Variants in MACROD2 observed in about 807,000 individuals in gnomAD.
MACROD2 encodes ADP-ribose glycohydrolase MACROD2.
MACROD2 carries 36 observed loss-of-function variants against 70.4 expected under a neutral mutation model. That is an observed-to-expected ratio of 0.51 (90% CI 0.39 to 0.68). The LOEUF is 0.68. Among genes scored for constraint, MACROD2 ranks in the 30% least tolerant of loss-of-function variants. The pLI is 0.00. For synonymous variants in MACROD2, 172 were observed against 178.8 expected, an observed-to-expected ratio of 0.96 and a Z score of 0.30; for missense variants, 496 against 538.4, an observed-to-expected ratio of 0.92 and a Z score of 0.78.
chr20:14,491,935 T>C (rs1384078707), intron 3 of MACROD2, among the ~76,000 whole-genome samples: 1 of 152,184 alleles, frequency 6.6e-6, no homozygotes, highest in Non-Finnish European at 1.5e-5. Context: ...TGAAATTTCA[T>C]GTGGTTTTAT....
intron 8 of MACROD2, among the ~76,000 whole-genome samples, chr20:15,829,803 A>G (rs1162584382): frequency 6.6e-6 from 1 of 152,190 alleles, no homozygotes; most frequent in Non-Finnish European, 1.5e-5. Context: ...AAACAATATG[A>G]TAAGTGTTAC....
intron 2 of MACROD2, among the ~76,000 whole-genome samples, chr20:14,068,273 C>T (rs6079280): frequency 2.0e-5 from 3 of 150,776 alleles, no homozygotes; most frequent in East Asian, 2.0e-4. Context: ...CCCCCCACCC[C>T]CCCTGTGCTC....
intron 5 of MACROD2, among the ~76,000 whole-genome samples, chr20:14,873,382 G>A (rs917325059): frequency 3.3e-5 from 5 of 152,096 alleles, no homozygotes; most frequent in African/African-American, 1.2e-4. Flanking sequence ...AGGTTTACAT[G>A]TGTTTTAAGT....
At chr20:14,787,730 G>T (rs1237613336) in intron 5 of MACROD2, among the ~76,000 whole-genome samples, 1 of 152,044 alleles carries the variant, frequency 6.6e-6, no homozygotes, top group Non-Finnish European at 1.5e-5. Flanking sequence ...TTCCTTTCCA[G>T]AACACCATTT....
At chr20:14,081,573 G>A (rs906815680) in intron 2 of MACROD2, among the ~76,000 whole-genome samples, 1 of 152,160 alleles carries the variant, frequency 6.6e-6, no homozygotes, top group Non-Finnish European at 1.5e-5. Context: ...CCATGAGGGC[G>A]ATATACTTGG....
intron 8 of MACROD2, among the ~76,000 whole-genome samples, chr20:15,600,299 C>T (rs1157189150): frequency 1.3e-5 from 2 of 152,036 alleles, no homozygotes; most frequent in Non-Finnish European, 2.9e-5. Flanking sequence ...TTCCTGGCAG[C>T]CTGTCTTTAC....
intron 17 of MACROD2, among the ~76,000 whole-genome samples, chr20:16,048,314 A>G (rs2067411703): frequency 6.6e-6 from 1 of 152,210 alleles, no homozygotes; most frequent in Admixed American, 6.5e-5. Flanking sequence ...TAAAATAACT[A>G]CATTTGAATG....
chr20:14,801,319 A>G (rs2072572840), intron 5 of MACROD2, among the ~76,000 whole-genome samples: 1 of 152,122 alleles, frequency 6.6e-6, no homozygotes, highest in South Asian at 2.1e-4. Flanking sequence ...CCCAAGCCTC[A>G]GTCCCTTAAG....
At chr20:15,009,187 C>T (rs2075062822) in intron 5 of MACROD2, among the ~76,000 whole-genome samples, 1 of 152,102 alleles carries the variant, frequency 6.6e-6, no homozygotes, top group African/African-American at 2.4e-5. Context: ...GATGGGTGTC[C>T]ACCCAGGTCT....
At chr20:14,588,256 C>G (rs1981519600) in intron 4 of MACROD2, among the ~76,000 whole-genome samples, 1 of 151,930 alleles carries the variant, frequency 6.6e-6, no homozygotes, top group Admixed American at 6.6e-5. Flanking sequence ...CTCTATTTTC[C>G]TAGAAAATCG....
intron 3 of MACROD2, among the ~76,000 whole-genome samples, chr20:14,101,468 G>A (rs919384159): frequency 2.1e-4 from 32 of 151,792 alleles, no homozygotes; most frequent in Non-Finnish European, 5.9e-5. Flanking sequence ...GATAGATTGG[G>A]GCTTTTGTTG....
intron 5 of MACROD2, among the ~76,000 whole-genome samples, chr20:15,053,091 C>G (rs748278267): frequency 1.3e-5 from 2 of 152,196 alleles, no homozygotes; most frequent in Non-Finnish European, 2.9e-5. Context: ...AAATAGGAAG[C>G]TAGCAGAGGT....
chr20:15,219,853 G>A (rs991776709), intron 5 of MACROD2, among the ~76,000 whole-genome samples: 1 of 151,158 alleles, frequency 6.6e-6, no homozygotes, highest in African/African-American at 2.4e-5. Context: ...TGATTTGAGA[G>A]CCAAAACCTA....
rs145947923 is a variant in MACROD2 at position 15,174,685 on chromosome 20, T to A, written c.419-55255T>A. The stretch of plus-strand genomic sequence containing the variant: ...CACCTGTTGTGTCCTGACTTTTTAA[T>A]GATCACCATTCTAACTGGTGTGAGA... On this transcript the variant is annotated intron_variant, in intron 5 of 17. Coordinates refer to ENST00000684519, the MANE Select transcript of MACROD2 (RefSeq NM_001351661.2). Among the ~76,000 whole-genome samples, 8 of 152,376 alleles carry A rather than the reference T, an allele frequency of 5.3e-5. No homozygotes were observed. In the East Asian group the frequency reaches 1.5e-3, roughly 29 times the overall value.
intron 17 of MACROD2, among the ~76,000 whole-genome samples, chr20:16,045,430 C>G (rs777430871): frequency 5.3e-5 from 8 of 152,070 alleles, no homozygotes; most frequent in Non-Finnish European, 1.0e-4. Flanking sequence ...GACTTTATTC[C>G]AAGAGCCAGC....
intron 6 of MACROD2, among the ~76,000 whole-genome samples, chr20:15,238,461 A>G (rs1327671188): frequency 6.6e-6 from 1 of 152,052 alleles, no homozygotes; most frequent in Non-Finnish European, 1.5e-5. Context: ...GAATGCATGT[A>G]AAGTTGTCCA....
At chr20:15,347,937 C>T (rs2146217271) in intron 6 of MACROD2, among the ~76,000 whole-genome samples, 1 of 152,298 alleles carries the variant, frequency 6.6e-6, no homozygotes, top group Admixed American at 6.5e-5. Context: ...TTGTAGATGG[C>T]ACCCTGTATG....
At chr20:16,004,655 C>A (rs1043075413) in intron 15 of MACROD2, among the ~76,000 whole-genome samples, 1 of 152,254 alleles carries the variant, frequency 6.6e-6, no homozygotes, top group Non-Finnish European at 1.5e-5. Context: ...TCCGGCTCTG[C>A]GGCCCCTGTC....
At chr20:15,507,712 A>G (rs933705400) in intron 8 of MACROD2, among the ~76,000 whole-genome samples, 1 of 152,090 alleles carries the variant, frequency 6.6e-6, no homozygotes, top group African/African-American at 2.4e-5. Flanking sequence ...ACTGCCACAC[A>G]AGAGTTTGCC....
Sources: gnomAD v4.1 joint callset for allele counts (sites outside exome capture counted in the v4.1 genomes callset) on GRCh38, gnomAD v4.1.1 for gene constraint, MANE v1.5 for transcripts, NCBI Gene and HGNC (gene_info 2026-07-23, HGNC 2026-07-21) for gene names.